The following FSHR variants were observed in gnomAD, a reference collection of about 807,000 sequenced individuals.
FSHR encodes the protein follicle stimulating hormone receptor, also known as follicle-stimulating hormone receptor.
A neutral mutation model predicts 52.1 loss-of-function variants in FSHR; 46 were observed. That is an observed-to-expected ratio of 0.88 (90% CI 0.70 to 1.13). The LOEUF is 1.13. FSHR is among the 50% of genes most tolerant of loss of function. The probability of loss-of-function intolerance (pLI) is 0.00; values close to 1 mark genes in which losing one functional copy is unlikely to be tolerated. For synonymous variants in FSHR, 399 were observed against 309.6 expected, an observed-to-expected ratio of 1.29 and a Z score of -3.03; for missense variants, 964 against 834.6, an observed-to-expected ratio of 1.16 and a Z score of -1.91.
At chr2:49,048,564 G>A (rs554259968) in intron 2 of FSHR, among the ~76,000 whole-genome samples, 1 of 152,302 alleles carries the variant, frequency 6.6e-6, no homozygotes, top group African/African-American at 2.4e-5. Flanking sequence ...ACTTTTCAAA[G>A]CATGCTCACG....
chr2:49,119,785 T>C (rs879584586), intron 1 of FSHR, among the ~76,000 whole-genome samples: 3 of 152,172 alleles, frequency 2.0e-5, no homozygotes, highest in Non-Finnish European at 2.9e-5. Context: ...TCAGAGTTTG[T>C]GTCTGATTTC....
intron 8 of FSHR, among the ~76,000 whole-genome samples, chr2:48,980,083 C>T (rs1438777864): frequency 2.0e-5 from 3 of 152,134 alleles, no homozygotes; most frequent in African/African-American, 7.2e-5. Flanking sequence ...GGGGGAGAGG[C>T]TTGAAGAACA....
chr2:48,980,206 C>T (rs1407303557), intron 8 of FSHR, among the ~76,000 whole-genome samples: 1 of 152,170 alleles, frequency 6.6e-6, no homozygotes, highest in Non-Finnish European at 1.5e-5. Flanking sequence ...GGCTTCCAGC[C>T]AGGATCCTGC....
At chr2:49,099,713 T>A (rs552017630) in intron 1 of FSHR, among the ~76,000 whole-genome samples, 1 of 151,572 alleles carries the variant, frequency 6.6e-6, no homozygotes, top group Non-Finnish European at 1.5e-5. Flanking sequence ...ATGGAAGAGA[T>A]TGGAGTGATG....
At chr2:49,086,692 G>T (rs1460315488) in intron 1 of FSHR, among the ~76,000 whole-genome samples, 1 of 152,158 alleles carries the variant, frequency 6.6e-6, no homozygotes, top group Non-Finnish European at 1.5e-5. Context: ...CGAGGCTGGA[G>T]TGCAGTGGTG....
chr2:48,974,673 G>A (rs947919542), intron 8 of FSHR, among the ~76,000 whole-genome samples: 7 of 152,204 alleles, frequency 4.6e-5, no homozygotes, highest in African/African-American at 1.7e-4. Context: ...AACCTGTCAA[G>A]ACTTCCAAAT....
intron 1 of FSHR, among the ~76,000 whole-genome samples, chr2:49,086,682 C>G (rs193272527): frequency 6.6e-6 from 1 of 152,000 alleles, no homozygotes; most frequent in African/African-American, 2.4e-5. Flanking sequence ...GCTCTTTTGC[C>G]GAGGCTGGAG....
chr2:49,042,106 T>TGCCCACTAGGTATATA (rs1668497549), intron 2 of FSHR, among the ~76,000 whole-genome samples: 1 of 152,178 alleles, frequency 6.6e-6, no homozygotes, highest in Admixed American at 6.5e-5. Context: ...GATTACATCC[T>TGCCCACTAGGTATATA]GCCCACTAGG....
At chr2:49,085,519 C>G (rs1199293415) in intron 1 of FSHR, among the ~76,000 whole-genome samples, 1 of 152,138 alleles carries the variant, frequency 6.6e-6, no homozygotes, top group East Asian at 1.9e-4. Flanking sequence ...GCTTTACTTC[C>G]AACTATGTGG....
chr2:49,028,061 C>T (rs555581890), intron 2 of FSHR, among the ~76,000 whole-genome samples: 29 of 151,904 alleles, frequency 1.9e-4, no homozygotes, highest in Non-Finnish European at 4.0e-4. Flanking sequence ...TTGATCAGGT[C>T]GTTTGGGTTT....
intron 2 of FSHR, among the ~76,000 whole-genome samples, chr2:49,057,470 T>C (rs941412919): frequency 2.6e-5 from 4 of 151,772 alleles, no homozygotes; most frequent in Non-Finnish European, 4.4e-5. Flanking sequence ...CCCACCAAGA[T>C]TGAACCAAGA....
chr2:49,038,063 A>G (rs1668334732), intron 2 of FSHR, among the ~76,000 whole-genome samples: 1 of 152,226 alleles, frequency 6.6e-6, no homozygotes, highest in Non-Finnish European at 1.5e-5. Context: ...AAGAGATATC[A>G]AAAGATAATA....
chr2:48,990,051 T>A (rs1675698736), intron 5 of FSHR, among the ~76,000 whole-genome samples: 1 of 152,224 alleles, frequency 6.6e-6, no homozygotes, highest in African/African-American at 2.4e-5. Flanking sequence ...CTGTCCATAT[T>A]CTTACAATTT....
intron 2 of FSHR, among the ~76,000 whole-genome samples, chr2:49,030,679 A>G (rs972046081): frequency 2.5e-4 from 38 of 152,176 alleles, no homozygotes; most frequent in African/African-American, 8.9e-4. Flanking sequence ...AGTGCCCTGC[A>G]TGCAAAGCTG....
chr2:49,016,888 A>C (rs187898813), intron 4 of FSHR, among the ~76,000 whole-genome samples: 5 of 152,304 alleles, frequency 3.3e-5, no homozygotes, highest in Admixed American at 3.3e-4. Context: ...CCAAATTCTT[A>C]ACTGTTATTT....
chr2:49,020,007 G>T, intron 3 of FSHR, 79 bp downstream of exon 3: 1 of 1,208,072 alleles, frequency 8.3e-7, no homozygotes, highest in Non-Finnish European at 1.2e-6. Flanking sequence ...GCAGAATCAG[G>T]GCCTCCCAGG....
chr2:48,970,191 C>T (rs922007995), intron 8 of FSHR, among the ~76,000 whole-genome samples: 1 of 152,118 alleles, frequency 6.6e-6, no homozygotes, highest in Non-Finnish European at 1.5e-5. Context: ...AATTATCTTG[C>T]TCAAAAATTT....
At chr2:49,118,509 A>G (rs1671685798) in intron 1 of FSHR, among the ~76,000 whole-genome samples, 1 of 152,200 alleles carries the variant, frequency 6.6e-6, no homozygotes, top group Non-Finnish European at 1.5e-5. Context: ...CAGGAATAAT[A>G]CAGGGTGGTC....
intron 1 of FSHR, among the ~76,000 whole-genome samples, chr2:49,125,604 T>G (rs1671969212): frequency 6.6e-6 from 1 of 152,224 alleles, no homozygotes. Flanking sequence ...AGGCAATCAA[T>G]AAGTATTTGT....
Sources: gnomAD v4.1 joint callset for allele counts (sites outside exome capture counted in the v4.1 genomes callset) on GRCh38, gnomAD v4.1.1 for gene constraint, MANE v1.5 for transcripts, NCBI Gene and HGNC (gene_info 2026-07-23, HGNC 2026-07-21) for gene names.